Variants in MICU1 observed in about 807,000 individuals in gnomAD.
MICU1 encodes calcium uptake protein 1, mitochondrial.
MICU1 carries 45 observed loss-of-function variants against 56.8 expected under a neutral mutation model. The observed-to-expected ratio is 0.79, with a 90% CI of 0.62 to 1.02. The LOEUF (loss-of-function observed/expected upper bound fraction) is 1.02, where lower values mean the gene tolerates loss of function less well. MICU1 is among the 50% of genes least tolerant of loss of function. The probability of loss-of-function intolerance (pLI) is 0.00; values close to 1 mark genes in which losing one functional copy is unlikely to be tolerated. For synonymous variants in MICU1, 186 were observed against 195.1 expected, an observed-to-expected ratio of 0.95 and a Z score of 0.39; for missense variants, 504 against 587.1, an observed-to-expected ratio of 0.86 and a Z score of 1.46.
At chr10:72,477,352 C>G (rs1257857631) in intron 6 of MICU1, 96 bp from the exon 7 acceptor site, 2 of 1,181,280 alleles carry the variant, frequency 1.7e-6, no homozygotes, top group African/African-American at 1.6e-5. Flanking sequence ...AATGTAATAT[C>G]AAAGTCACCA....
At chr10:72,369,304 A>G (rs1035481324) in intron 11 of MICU1, among the ~76,000 whole-genome samples, 14 of 129,198 alleles carry the variant, frequency 1.1e-4, no homozygotes, top group Admixed American at 3.0e-4. Context: ...TGTCTCTTGG[A>G]AAAAAAAAAA....
At chr10:72,624,683 T>C (rs1842186888) in intron 1 of MICU1, among the ~76,000 whole-genome samples, 1 of 152,220 alleles carries the variant, frequency 6.6e-6, no homozygotes, top group Non-Finnish European at 1.5e-5. Flanking sequence ...TTTGTTAATA[T>C]TATGTTTTAT....
intron 10 of MICU1, among the ~76,000 whole-genome samples, chr10:72,394,718 C>T (rs947826791): frequency 6.6e-6 from 1 of 152,138 alleles, no homozygotes; most frequent in African/African-American, 2.4e-5. Context: ...CCACTATAAT[C>T]CTAGCACTTT....
intron 1 of MICU1, among the ~76,000 whole-genome samples, chr10:72,611,496 C>T (rs1228277625): frequency 2.0e-5 from 3 of 151,780 alleles, no homozygotes; most frequent in Non-Finnish European, 4.4e-5. Flanking sequence ...TGGTGCGTGC[C>T]TGTAATCCCA....
At chr10:72,499,982 A>T (rs1473436601) in intron 6 of MICU1, among the ~76,000 whole-genome samples, 1 of 152,058 alleles carries the variant, frequency 6.6e-6, no homozygotes, top group Non-Finnish European at 1.5e-5. Flanking sequence ...TGTGAGAAAG[A>T]TGCATCATAA....
At chr10:72,434,986 C>T (rs1161601450) in intron 8 of MICU1, among the ~76,000 whole-genome samples, 1 of 151,750 alleles carries the variant, frequency 6.6e-6, no homozygotes, top group Non-Finnish European at 1.5e-5. Context: ...ATGTGAAAAG[C>T]TGTTAGGAAG....
intron 1 of MICU1, among the ~76,000 whole-genome samples, chr10:72,619,778 C>T (rs191194176): frequency 6.6e-5 from 10 of 152,240 alleles, no homozygotes; most frequent in Admixed American, 2.6e-4. Flanking sequence ...TAACGATGAA[C>T]GGCAGCTCAC....
Position 72,510,822 on chromosome 10 carries a change from G to A in MICU1, c.538-2553C>T, listed in dbSNP as rs975141362. 3.3e-5 allele frequency among the ~76,000 whole-genome samples: 5 copies of A among 151,980 alleles called. No individual in the cohort carries two copies. In the South Asian group the frequency reaches 6.2e-4, roughly 19 times the overall value. ...TAATTTTTGTATTTTTAGTAGAGAC[G>A]GGTTTTGCCATGTTGGCCAGGCTGG... is the stretch of plus-strand genomic sequence containing the variant. On this transcript the variant is annotated intron_variant, in intron 5 of 11. Coordinates refer to ENST00000361114, the MANE Select transcript of MICU1 (RefSeq NM_001195518.2).
chr10:72,500,394 G>A (rs112121889), intron 6 of MICU1, among the ~76,000 whole-genome samples: 11 of 139,634 alleles, frequency 7.9e-5, no homozygotes, highest in African/African-American at 2.2e-4. Flanking sequence ...GCTCACTGCC[G>A]GATCACTAAC....
At chr10:72,389,749 C>T (rs1863006486) in intron 10 of MICU1, among the ~76,000 whole-genome samples, 2 of 152,180 alleles carry the variant, frequency 1.3e-5, no homozygotes, top group African/African-American at 4.8e-5. Context: ...GGATATTCTC[C>T]TGGCAGAAAT....
At chr10:72,523,957 C>G in intron 5 of MICU1, 1 of 1,357,624 alleles carries the variant, frequency 7.4e-7, no homozygotes, top group Non-Finnish European at 9.5e-7. Flanking sequence ...CCATTTGTTT[C>G]CCCTTAAGCC....
At chr10:72,505,602 AC>A (rs1867219405) in intron 6 of MICU1, among the ~76,000 whole-genome samples, 1 of 152,226 alleles carries the variant, frequency 6.6e-6, no homozygotes, top group South Asian at 2.1e-4. Flanking sequence ...AAAATGTGGT[AC>A]ACAACACTAT....
intron 8 of MICU1, among the ~76,000 whole-genome samples, chr10:72,472,108 G>A (rs752936051): frequency 1.3e-5 from 2 of 152,060 alleles, no homozygotes; most frequent in Non-Finnish European, 1.5e-5. Context: ...ATACTTAAAT[G>A]CTATTGGACA....
At chr10:72,609,807 G>A (rs1268086449) in intron 1 of MICU1, among the ~76,000 whole-genome samples, 1 of 151,014 alleles carries the variant, frequency 6.6e-6, no homozygotes, top group African/African-American at 2.4e-5. Flanking sequence ...AGGCCTAGGT[G>A]GGTGGATCAC....
chr10:72,489,321 C>CAA (rs1866578776), intron 6 of MICU1, among the ~76,000 whole-genome samples: 1 of 133,262 alleles, frequency 7.5e-6, no homozygotes. Context: ...CACACACACA[C>CAA]ACAAAAATAA....
Position 72,450,574 on chromosome 10 carries a change from T to C in MICU1, c.933+24526A>G, listed in dbSNP as rs960289091. The stretch of plus-strand genomic sequence containing the variant: ...CTCTAACAACTTGCAAAGCCTGTGG[T>C]TGCATGGCTTTCTCACTGCTAATCT... On this transcript the variant is annotated intron_variant, in intron 8 of 11. Transcript: ENST00000361114. Among the ~76,000 whole-genome samples, 11 of 152,130 alleles carry C rather than the reference T, an allele frequency of 7.2e-5. No homozygotes were observed. The South Asian group carries it at 8.3e-4, about 11-fold the overall frequency.
chr10:72,465,300 T>C (rs982179610), intron 8 of MICU1, among the ~76,000 whole-genome samples: 31 of 142,092 alleles, frequency 2.2e-4, no homozygotes, highest in African/African-American at 7.4e-4. Context: ...GCCCAGCCCA[T>C]AGTTTTTTGT....
At chr10:72,569,222 TATATA>T (rs1564939682) in intron 1 of MICU1, among the ~76,000 whole-genome samples, 22 of 43,372 alleles carry the variant, frequency 5.1e-4, no homozygotes, top group Non-Finnish European at 7.9e-4. Context: ...TATATATATA[TATATA>T]TATATATATA....
chr10:72,458,411 T>C (rs887353998), intron 8 of MICU1, among the ~76,000 whole-genome samples: 25 of 152,194 alleles, frequency 1.6e-4, no homozygotes, highest in African/African-American at 6.0e-4. Context: ...GAAAATATTA[T>C]CAAAACATCT....
Sources: gnomAD v4.1 joint callset for allele counts (sites outside exome capture counted in the v4.1 genomes callset) on GRCh38, gnomAD v4.1.1 for gene constraint, MANE v1.5 for transcripts, NCBI Gene and HGNC (gene_info 2026-07-23, HGNC 2026-07-21) for gene names.